Variants in EXOC6B observed in about 807,000 individuals in gnomAD.
The protein encoded by EXOC6B is exocyst complex component 6B, also known as SEC15 homolog B.
Under a neutral mutation model 113.5 loss-of-function variants are expected in EXOC6B, and 54 were observed. The ratio of observed to expected loss-of-function variants is 0.48; its 90% CI spans 0.38 to 0.60. The LOEUF (loss-of-function observed/expected upper bound fraction) is 0.60, where lower values mean the gene tolerates loss of function less well. Ranked by LOEUF, EXOC6B falls within the 20% of genes least tolerant of loss-of-function variation. The pLI is 0.00. For synonymous variants in EXOC6B, 357 were observed against 339.0 expected (o/e 1.05, Z -0.58); for missense variants, 797 against 977.5 (o/e 0.82, Z 2.46).
intron 18 of EXOC6B, among the ~76,000 whole-genome samples, chr2:72,409,929 T>C (rs1694053484): frequency 6.6e-6 from 1 of 152,154 alleles, no homozygotes; most frequent in Admixed American, 6.6e-5. Flanking sequence ...TTCTGCTCCC[T>C]TTGGAACTAA....
chr2:72,182,486 A>C (rs1678152816), intron 21 of EXOC6B, among the ~76,000 whole-genome samples: 1 of 152,092 alleles, frequency 6.6e-6, no homozygotes, highest in South Asian at 2.1e-4. Flanking sequence ...CCTCTAATAA[A>C]GGGTCTTCTA....
intron 21 of EXOC6B, among the ~76,000 whole-genome samples, chr2:72,182,501 A>T (rs1678153845): frequency 6.6e-6 from 1 of 152,068 alleles, no homozygotes; most frequent in Admixed American, 6.6e-5. Context: ...CTTCTATAAG[A>T]GATGCAGGTT....
At chr2:72,487,020 T>C (rs1029409468) in intron 16 of EXOC6B, among the ~76,000 whole-genome samples, 2 of 152,198 alleles carry the variant, frequency 1.3e-5, no homozygotes, top group Non-Finnish European at 2.9e-5. Flanking sequence ...TTTATTTACA[T>C]AAACTCTTTA....
Position 72,508,184 on chromosome 2 carries a change from A to AAAAAAAAAAAAAAAC in EXOC6B, c.1167+4947_1167+4948insGTTTTTTTTTTTTTT, listed in dbSNP as rs923877882. On this transcript the variant is annotated intron_variant, in intron 11 of 21. Coordinates refer to ENST00000272427, the MANE Select transcript of EXOC6B (RefSeq NM_015189.3). ...CCCGCAAAAAAAAAAAAAAAAAAAA[A>AAAAAAAAAAAAAAAC]ACACCTAAAAACAGTACTTTGATGG... Among the ~76,000 whole-genome samples, 47 of 89,076 alleles carry AAAAAAAAAAAAAAAC rather than the reference A, an allele frequency of 5.3e-4. 3 individuals carry two copies. Among genetic ancestry groups the AAAAAAAAAAAAAAAC allele is most frequent in the African/African-American group, 2.5e-3 (38 of 14,994 alleles). The allele number at this position is 89,076 out of a possible 152,430, so 58.4% of individuals were successfully genotyped here.
intron 6 of EXOC6B, among the ~76,000 whole-genome samples, chr2:72,698,521 A>T (rs1003208680): frequency 1.1e-4 from 16 of 147,478 alleles, no homozygotes; most frequent in Non-Finnish European, 1.9e-4. Flanking sequence ...ATTATCTCTA[A>T]CTATTTCAAG....
chr2:72,265,573 C>G (rs373803570), intron 20 of EXOC6B, among the ~76,000 whole-genome samples: 343 of 151,222 alleles, frequency 2.3e-3, no homozygotes, highest in South Asian at 0.014. Context: ...TCCCTACAAA[C>G]GACATGAACT....
intron 6 of EXOC6B, among the ~76,000 whole-genome samples, chr2:72,653,411 TG>T (rs1674341586): frequency 1.7e-5 from 1 of 59,878 alleles, no homozygotes; most frequent in Non-Finnish European, 2.9e-5. Context: ...TGTTGTGGGG[TG>T]GGGGGAGGGG....
chr2:72,737,639 G>A (rs759432140), intron 2 of EXOC6B, among the ~76,000 whole-genome samples: 10 of 152,032 alleles, frequency 6.6e-5, no homozygotes, highest in Non-Finnish European at 1.0e-4. Context: ...GGAACTCCCA[G>A]GCTGAGGAGT....
intron 6 of EXOC6B, among the ~76,000 whole-genome samples, chr2:72,705,721 A>G (rs1214861886): frequency 6.6e-6 from 1 of 152,086 alleles, no homozygotes; most frequent in Non-Finnish European, 1.5e-5. Context: ...GCATGCGCAC[A>G]CACACACACA....
At chr2:72,471,055 A>G (rs1698377197) in intron 17 of EXOC6B, among the ~76,000 whole-genome samples, 1 of 152,136 alleles carries the variant, frequency 6.6e-6, no homozygotes, top group Non-Finnish European at 1.5e-5. Context: ...GACTTCCACA[A>G]TGGTTGAACT....
At chr2:72,790,776 A>G (rs1184853071) in intron 1 of EXOC6B, among the ~76,000 whole-genome samples, 1 of 152,206 alleles carries the variant, frequency 6.6e-6, no homozygotes, top group Non-Finnish European at 1.5e-5. Context: ...CCACTTAACT[A>G]TATCTTTATG....
chr2:72,562,961 A>T (rs1703971621), intron 7 of EXOC6B, among the ~76,000 whole-genome samples: 1 of 152,162 alleles, frequency 6.6e-6, no homozygotes, highest in South Asian at 2.1e-4. Flanking sequence ...ATCACCAAGG[A>T]CAGCAGCTGC....
At chr2:72,693,853 T>C (rs985595408) in intron 6 of EXOC6B, among the ~76,000 whole-genome samples, 1 of 152,058 alleles carries the variant, frequency 6.6e-6, no homozygotes, top group African/African-American at 2.4e-5. Flanking sequence ...TCTTTTTTTT[T>C]TTCCTTGTGC....
chr2:72,641,679 C>T (rs955393420), intron 6 of EXOC6B, among the ~76,000 whole-genome samples: 8 of 152,226 alleles, frequency 5.3e-5, no homozygotes, highest in African/African-American at 1.7e-4. Context: ...CAGACTTAAA[C>T]GTCCCTCTCT....
chr2:72,646,224 A>G (rs1173549673), intron 6 of EXOC6B, among the ~76,000 whole-genome samples: 3 of 151,810 alleles, frequency 2.0e-5, no homozygotes, highest in East Asian at 3.9e-4. Flanking sequence ...ACACATACAC[A>G]CTCCCAAGAC....
intron 16 of EXOC6B, among the ~76,000 whole-genome samples, chr2:72,481,564 T>C (rs1031116675): frequency 6.6e-6 from 1 of 152,168 alleles, no homozygotes; most frequent in African/African-American, 2.4e-5. Context: ...GATTACAATA[T>C]GTTAATAAAC....
At chr2:72,424,388 G>A (rs1695088477) in intron 18 of EXOC6B, among the ~76,000 whole-genome samples, 1 of 151,182 alleles carries the variant, frequency 6.6e-6, no homozygotes, top group African/African-American at 2.4e-5. Context: ...TAAGACTTGT[G>A]TAAAATTGTA....
chr2:72,547,544 G>T (rs1702977285), intron 8 of EXOC6B, among the ~76,000 whole-genome samples: 1 of 152,140 alleles, frequency 6.6e-6, no homozygotes. Context: ...TACATTTATA[G>T]GTTTGCCCCT....
At chr2:72,356,833 G>A (rs986653171) in intron 19 of EXOC6B, among the ~76,000 whole-genome samples, 8 of 151,982 alleles carry the variant, frequency 5.3e-5, no homozygotes, top group Admixed American at 1.3e-4. Flanking sequence ...ATATTATATC[G>A]CTGCCCTTGC....
Sources: gnomAD v4.1 joint callset for allele counts (sites outside exome capture counted in the v4.1 genomes callset) on GRCh38, gnomAD v4.1.1 for gene constraint, MANE v1.5 for transcripts, NCBI Gene and HGNC (gene_info 2026-07-23, HGNC 2026-07-21) for gene names.